ZNF618: variants seen among roughly 807,000 people sequenced by gnomAD.
ZNF618 encodes neural precursor cell expressed, developmentally down-regulated 10.
A neutral mutation model predicts 103.0 loss-of-function variants in ZNF618; 34 were observed. The observed-to-expected ratio is 0.33, with a 90% CI of 0.25 to 0.44. The LOEUF is 0.44. Among genes scored for constraint, ZNF618 ranks in the 20% least tolerant of loss-of-function variants. The pLI, the probability that ZNF618 is intolerant of heterozygous loss-of-function variation, is 1.00. For missense variants in ZNF618, 1,059 were observed against 1,295.4 expected (o/e 0.82, Z 2.80); for synonymous variants, 551 against 542.2 (o/e 1.02, Z -0.23).
At chr9:114,009,237 G>A (rs1842034167) in intron 9 of ZNF618, among the ~76,000 whole-genome samples, 1 of 152,194 alleles carries the variant, frequency 6.6e-6, no homozygotes, top group South Asian at 2.1e-4. Context: ...GCAGGGAGCT[G>A]TGGGAGGCCT....
At chr9:113,963,361 G>C (rs905459405) in intron 1 of ZNF618, among the ~76,000 whole-genome samples, 1 of 152,192 alleles carries the variant, frequency 6.6e-6, no homozygotes, top group Non-Finnish European at 1.5e-5. Context: ...TTATGGTGTC[G>C]TATGTATTTG....
chr9:113,965,972 G>A (rs1170469263), intron 1 of ZNF618, among the ~76,000 whole-genome samples: 3 of 152,110 alleles, frequency 2.0e-5, no homozygotes, highest in South Asian at 2.1e-4. Flanking sequence ...CTTGGGATTC[G>A]GGGAAGGCCT....
chr9:113,913,299 G>T (rs1417134905), intron 1 of ZNF618, among the ~76,000 whole-genome samples: 1 of 152,254 alleles, frequency 6.6e-6, no homozygotes, highest in Non-Finnish European at 1.5e-5. Context: ...GTAAGTGGTA[G>T]AGTTGAGATT....
At position 113,908,522 on chromosome 9, in the gene ZNF618, A is replaced by G. The variant is rs114884375; in HGVS notation, c.33+32109A>G. Reference sequence around the variant, plus strand: ...ACATTTTTTTTTGACCTGAAAGTTCATCTTTTAAGTTCTGATTTTAAAAGG... The same window carrying G: ...ACATTTTTTTTTGACCTGAAAGTTCGTCTTTTAAGTTCTGATTTTAAAAGG... On this transcript the variant is annotated intron_variant, in intron 1 of 14. Coordinates refer to ENST00000374126, the MANE Select transcript of ZNF618 (RefSeq NM_001318042.2). 9.2e-3 allele frequency among the ~76,000 whole-genome samples: 1,398 copies of G among 152,222 alleles called. 27 individuals are homozygous for G. Among genetic ancestry groups the G allele is most frequent in the African/African-American group, 0.032 (1,337 of 41,526 alleles).
intron 1 of ZNF618, among the ~76,000 whole-genome samples, chr9:113,946,106 CCACTGTCAGGGCCAAG>C (rs1203356665): frequency 6.6e-6 from 1 of 152,190 alleles, no homozygotes; most frequent in Non-Finnish European, 1.5e-5. Flanking sequence ...AGAGCCAGCA[CCACTGTCAGGGCCAAG>C]AGCTGTTCAG....
At position 113,888,359 on chromosome 9, in the gene ZNF618, C is replaced by T. The variant is rs548902169; in HGVS notation, c.33+11946C>T. Among the ~76,000 whole-genome samples, 6 of 152,390 alleles carry T rather than the reference C, an allele frequency of 3.9e-5. No homozygotes were observed. The South Asian group carries it at 8.3e-4, about 21-fold the overall frequency. On this transcript the variant is annotated intron_variant, in intron 1 of 14. Coordinates refer to ENST00000374126, the MANE Select transcript of ZNF618 (RefSeq NM_001318042.2). ...TCATGGGGCCTGGGTCTGGGACTCCCTGGCTTTCAGCCCCCAGCTCCCCAT... is the reference window on the plus strand; with the variant it reads ...TCATGGGGCCTGGGTCTGGGACTCCTTGGCTTTCAGCCCCCAGCTCCCCAT...
chr9:113,975,095 G>T (rs899559363), intron 2 of ZNF618, among the ~76,000 whole-genome samples: 18 of 152,126 alleles, frequency 1.2e-4, no homozygotes, highest in Non-Finnish European at 2.1e-4. Flanking sequence ...ATAACATGGG[G>T]TGGCAATTGA....
intron 13 of ZNF618, among the ~76,000 whole-genome samples, chr9:114,045,394 A>G (rs749206827): frequency 2.0e-5 from 3 of 151,774 alleles, no homozygotes; most frequent in African/African-American, 7.3e-5. Context: ...TTATTTTTAT[A>G]TGTGTGTGAG....
At chr9:113,934,548 A>G (rs1833875938) in intron 1 of ZNF618, among the ~76,000 whole-genome samples, 1 of 152,200 alleles carries the variant, frequency 6.6e-6, no homozygotes, top group African/African-American at 2.4e-5. Context: ...ACCAAAGCAC[A>G]TCTGTCCTTA....
chr9:113,992,252 G>A (rs760651897), intron 3 of ZNF618, among the ~76,000 whole-genome samples: 1 of 152,086 alleles, frequency 6.6e-6, no homozygotes, highest in Non-Finnish European at 1.5e-5. Flanking sequence ...TGTCAATTTG[G>A]TACCCATGAC....
At chr9:114,000,408 G>T (rs750056950) in intron 4 of ZNF618, among the ~76,000 whole-genome samples, 1 of 152,192 alleles carries the variant, frequency 6.6e-6, no homozygotes, top group African/African-American at 2.4e-5. Context: ...GCCCGTGACC[G>T]CATGTGGACC....
rs1405371761 is a variant in ZNF618, at chr9:114,050,327, T to C, written c.*160T>C. ...AGTGCTTTTTTTATATGTGTGTGTG[T>C]GCGTGTATGTACACAGCCACACGTG... On this transcript the variant is annotated 3_prime_UTR_variant, in exon 15 of 15. Coordinates refer to ENST00000374126, the MANE Select transcript of ZNF618 (RefSeq NM_001318042.2). 7.4e-6 allele frequency: 6 copies of C among 805,508 alleles called. No individual in the cohort carries two copies. The highest frequency in any genetic ancestry group is 3.5e-5 in the African/African-American group (2 of 57,624). The allele number at this position is 805,508 out of a possible 1,614,324, so 49.9% of individuals were successfully genotyped here. A position where few individuals can be genotyped will look rare whatever the true frequency, so the allele number is the denominator to read the frequency against.
At chr9:113,953,848 G>GA (rs397825516) in intron 1 of ZNF618, among the ~76,000 whole-genome samples, 16 of 18,462 alleles carry the variant, frequency 8.7e-4, no homozygotes, top group African/African-American at 3.5e-3. Context: ...AAAGATGGAT[G>GA]TCCAGCTGTG....
chr9:114,049,963 T>C lies in ZNF618; in HGVS notation c.2661T>C (p.Pro887=), dbSNP rs1190245094. The C allele has an allele frequency of 6.2e-7, 1 of 1,613,856 alleles. No individual in the cohort carries two copies. Among genetic ancestry groups the C allele is most frequent in the Admixed American group, 1.7e-5 (1 of 60,004 alleles). ...AGGAGCCCCTCTTCCAGGCTACCCC[T>C]GATCTCTTCCAGTACTGGTCGTGCG... ...YLQEPLFQAT[P]DLFQYWSCVT... The change falls in exon 15 of 15, where the codon CCT becomes CCC. Residue 887 remains proline, a synonymous_variant. Coordinates refer to ENST00000374126, the MANE Select transcript of ZNF618 (RefSeq NM_001318042.2).
chr9:113,951,278 G>A (rs1236236578), intron 1 of ZNF618, among the ~76,000 whole-genome samples: 1 of 150,560 alleles, frequency 6.6e-6, no homozygotes, highest in East Asian at 2.0e-4. Flanking sequence ...TGTGTTTTAG[G>A]GGACATATCA....
chr9:113,937,084 A>G (rs1438944018), intron 1 of ZNF618, among the ~76,000 whole-genome samples: 1 of 152,192 alleles, frequency 6.6e-6, no homozygotes, highest in Non-Finnish European at 1.5e-5. Context: ...TATGGATGAA[A>G]CCATAACTAT....
chr9:113,989,375 A>G (rs1217583489), intron 3 of ZNF618, among the ~76,000 whole-genome samples: 1 of 152,210 alleles, frequency 6.6e-6, no homozygotes, highest in East Asian at 1.9e-4. Flanking sequence ...GAACATTTTG[A>G]TGGGAATTCT....
intron 1 of ZNF618, among the ~76,000 whole-genome samples, chr9:113,927,050 C>T (rs534518575): frequency 1.3e-5 from 2 of 152,220 alleles, no homozygotes; most frequent in African/African-American, 4.8e-5. Context: ...ATTCCCAAGT[C>T]TATGTCATAT....
At chr9:113,890,965 C>T (rs1048377157) in intron 1 of ZNF618, among the ~76,000 whole-genome samples, 1 of 151,986 alleles carries the variant, frequency 6.6e-6, no homozygotes, top group South Asian at 2.1e-4. Flanking sequence ...TTGTCTTTTC[C>T]TTTACATTTT....
Sources: allele counts gnomAD v4.1 joint callset (sites outside exome capture counted in the v4.1 genomes callset), GRCh38; gene constraint gnomAD v4.1.1; transcripts MANE v1.5; gene names NCBI Gene and HGNC (gene_info 2026-07-23, HGNC 2026-07-21).